Variants in QSOX1 observed in about 807,000 individuals in gnomAD.
QSOX1 encodes the protein sulfhydryl oxidase 1.
A neutral mutation model predicts 76.1 loss-of-function variants in QSOX1; 40 were observed. That is an observed-to-expected ratio of 0.53 (90% CI 0.41 to 0.68). The LOEUF is 0.68. Among genes scored for constraint, QSOX1 ranks in the 30% least tolerant of loss-of-function variants. The pLI, the probability that QSOX1 is intolerant of heterozygous loss-of-function variation, is 0.00. For missense variants in QSOX1, 931 were observed against 974.3 expected, an observed-to-expected ratio of 0.96 and a Z score of 0.59; for synonymous variants, 392 against 413.1, an observed-to-expected ratio of 0.95 and a Z score of 0.62.
rs767795642 is a variant in QSOX1, at chr1:180,176,012, G to T, written c.494G>T (p.Cys165Phe). The T allele has an allele frequency of 1.8e-5, 28 of 1,598,020 alleles. No homozygotes were observed. Among genetic ancestry groups the T allele is most frequent in the Non-Finnish European group, 2.4e-5 (28 of 1,172,854 alleles). ...CATCATGACACGTGGCCCCCAGCCT[G>T]TCCCCCACTGGAGCCTGCCAAGTAC... is the stretch of plus-strand genomic sequence containing the variant. Reference protein sequence around the residue: ...ESHHDTWPPACPPLEPAKLEE... With the variant: ...ESHHDTWPPAFPPLEPAKLEE... Residue 165 changes from cysteine (C) to phenylalanine (F), a missense_variant, in exon 4 of 12, where the codon TGT (cysteine) becomes TTT (phenylalanine). Transcript: ENST00000367602.
At chr1:180,158,113 T>A (rs1419135894) in intron 1 of QSOX1, among the ~76,000 whole-genome samples, 2 of 152,226 alleles carry the variant, frequency 1.3e-5, no homozygotes, top group African/African-American at 2.4e-5. Context: ...CCTCTTTTTT[T>A]AAAACAGGTA....
intron 1 of QSOX1, among the ~76,000 whole-genome samples, chr1:180,163,672 T>C (rs1399550345): frequency 6.6e-6 from 1 of 152,234 alleles, no homozygotes; most frequent in Non-Finnish European, 1.5e-5. Flanking sequence ...TATCTATGAC[T>C]TAATTTAACG....
chr1:180,166,654 G>C (rs1019369138), intron 2 of QSOX1, 63 bp downstream of exon 2: 6 of 1,454,600 alleles, frequency 4.1e-6, no homozygotes, highest in Admixed American at 1.7e-5. Context: ...ATAAGGGAAA[G>C]GGACCATGTG....
intron 10 of QSOX1, among the ~76,000 whole-genome samples, chr1:180,191,430 G>T (rs1313460518): frequency 6.6e-6 from 1 of 152,236 alleles, no homozygotes; most frequent in African/African-American, 2.4e-5. Context: ...CAGGAGAGGA[G>T]CATCCCAGCA....
At chr1:180,175,112 G>A (rs532021629) in intron 2 of QSOX1, among the ~76,000 whole-genome samples, 10 of 150,456 alleles carry the variant, frequency 6.6e-5, no homozygotes, top group South Asian at 2.1e-4. Flanking sequence ...AGCCGAGATC[G>A]CGCCACTGCA....
chr1:180,159,077 C>A (rs1038410441), intron 1 of QSOX1, among the ~76,000 whole-genome samples: 5 of 152,214 alleles, frequency 3.3e-5, no homozygotes, highest in Non-Finnish European at 7.3e-5. Flanking sequence ...GGGGGCTCAG[C>A]AGAATCCCCA....
At position 180,201,937 on chromosome 1, in the gene QSOX1, A is replaced by G. The variant is rs10798741; in HGVS notation, c.*4900A>G. The G allele has an allele frequency of 0.64, 98,091 of 152,100 alleles. 32,920 individuals carry two copies. The highest frequency in any genetic ancestry group is 0.74 in the Admixed American group (11,364 of 15,288). The allele number at this position is 152,100 out of a possible 1,614,324, so 9.4% of individuals were successfully genotyped here. ...AGAATTCCCTGTAACTCACTCACCA[A>G]TGGCCGTGGGAGCCAGTGGCCTCGG... On this transcript the variant is annotated 3_prime_UTR_variant, in exon 12 of 12. Coordinates refer to ENST00000367602, the MANE Select transcript of QSOX1 (RefSeq NM_002826.5).
chr1:180,173,006 T>G (rs1662798035), intron 2 of QSOX1, among the ~76,000 whole-genome samples: 1 of 152,250 alleles, frequency 6.6e-6, no homozygotes, highest in Non-Finnish European at 1.5e-5. Flanking sequence ...TGTTCTCATA[T>G]ATGTAGAAAC....
In QSOX1 at chr1:180,166,713, G is replaced by A. The variant is rs1254890684; in HGVS notation, c.366+122G>A. ...TCAGCTGCTCTGATTTGAGCTGGGA[G>A]GTGATCATCACTTGGGCTGGTGAGA... On this transcript the variant is annotated intron_variant, in intron 2 of 11. Transcript: ENST00000367602. 8.2e-6 allele frequency: 8 copies of A among 974,140 alleles called. No individual in the cohort carries two copies. The East Asian group carries it at 1.8e-4, about 22-fold the overall frequency. 60.3% of individuals were successfully genotyped at this position (974,140 alleles called of 1,614,324 possible).
rs201329109 is a variant in QSOX1 at position 180,186,037 on chromosome 1, C to T, written c.888-16C>T. ...TTAATACTTCTTTCTCTCTCTATCT[C>T]CCTCTGGGTCCTCAGCTCCAAGATC... On this transcript the variant is annotated splice_polypyrimidine_tract_variant and intron_variant, in intron 7 of 11. Coordinates refer to ENST00000367602, the MANE Select transcript of QSOX1 (RefSeq NM_002826.5). 7,334 of 1,612,964 alleles carry T rather than the reference C, an allele frequency of 4.5e-3. 16 individuals are homozygous for T. Among genetic ancestry groups the T allele is most frequent in the Non-Finnish European group, 5.7e-3 (6,688 of 1,179,054 alleles).
chr1:180,156,436 A>G (rs938262279), intron 1 of QSOX1, among the ~76,000 whole-genome samples: 1 of 152,186 alleles, frequency 6.6e-6, no homozygotes, highest in Non-Finnish European at 1.5e-5. Context: ...AACTGGAACC[A>G]TTGTTCCACT....
intron 1 of QSOX1, among the ~76,000 whole-genome samples, chr1:180,160,016 A>G (rs1290578090): frequency 1.3e-5 from 2 of 152,142 alleles, no homozygotes; most frequent in African/African-American, 4.8e-5. Flanking sequence ...TTGGAGTTTT[A>G]TCATTCCAGC....
Position 180,159,046 on chromosome 1 carries a change from A to G in QSOX1, c.265+3874A>G, listed in dbSNP as rs117886031. Among the ~76,000 whole-genome samples, 4 of 152,052 alleles carry G rather than the reference A, an allele frequency of 2.6e-5. No homozygotes were observed. In the East Asian group the frequency reaches 7.8e-4, roughly 30 times the overall value. On this transcript the variant is annotated intron_variant, in intron 1 of 11. Transcript: ENST00000367602. ...AGTGGGGCAGGGGACGCTGCCCTTGACTCCAGACCAAGCCCCCAGTGGGGG... is the reference window on the plus strand; with the variant it reads ...AGTGGGGCAGGGGACGCTGCCCTTGGCTCCAGACCAAGCCCCCAGTGGGGG...
Position 180,197,046 on chromosome 1 carries a change from G to A in QSOX1, c.*9G>A. ...GCCACCCTGCAGCCTGAACCACCTG[G>A]GGAGGAGGCGGGAGAGGGAGCTGCC... On this transcript the variant is annotated 3_prime_UTR_variant, in exon 12 of 12. Transcript: ENST00000367602. 6.3e-7 allele frequency: 1 copy of A among 1,594,280 alleles called. No individual in the cohort carries two copies. The highest frequency in any genetic ancestry group is 8.5e-7 in the Non-Finnish European group (1 of 1,170,790).
rs1376434744 is a variant in QSOX1, at chr1:180,186,168, G to T, written c.1003G>T (p.Ala335Ser). 14 of 1,613,506 alleles carry T rather than the reference G, an allele frequency of 8.7e-6. No individual in the cohort carries two copies. The highest frequency in any genetic ancestry group is 2.2e-5 in the East Asian group (1 of 44,886). ...QRLVALKKFV[A>S]VLAKYFPGRP... ...CCTGGTGGCCCTGAAAAAGTTTGTGGCAGTGCTGGCCAAGGTGAGCAGGGC... is the reference window on the plus strand; with the variant it reads ...CCTGGTGGCCCTGAAAAAGTTTGTGTCAGTGCTGGCCAAGGTGAGCAGGGC... Residue 335 changes from alanine to serine, a missense_variant, in exon 8 of 12, where the codon GCA becomes TCA. Ala to Ser is a moderately conservative substitution (Grantham distance 99). Transcript: ENST00000367602.
In QSOX1 at chr1:180,198,399, G is replaced by T. The variant is rs2149244784; in HGVS notation, c.*1362G>T. 2.2e-6 allele frequency: 1 copy of T among 456,746 alleles called. No homozygotes were observed. Among genetic ancestry groups the T allele is most frequent in the South Asian group, 1.5e-5 (1 of 64,572 alleles). The allele number at this position is 456,746 out of a possible 1,614,324, so 28.3% of individuals were successfully genotyped here. On this transcript the variant is annotated 3_prime_UTR_variant, in exon 12 of 12. Transcript: ENST00000367602. ...TTGGCCACTCGGTGGGGAGGAGTCA[G>T]CCAGGATTAGAGAGCCTGCCCCTAA... is the stretch of plus-strand genomic sequence containing the variant.
intron 2 of QSOX1, among the ~76,000 whole-genome samples, chr1:180,167,609 A>C (rs534662608): frequency 6.6e-6 from 1 of 152,196 alleles, no homozygotes; most frequent in Non-Finnish European, 1.5e-5. Context: ...CCTCGAGCCC[A>C]GTGCAACCCC....
intron 1 of QSOX1, among the ~76,000 whole-genome samples, chr1:180,165,296 G>GC (rs1662588065): frequency 6.6e-6 from 1 of 152,204 alleles, no homozygotes; most frequent in South Asian, 2.1e-4. Flanking sequence ...AATTGTGCCT[G>GC]CCACCAGGCA....
intron 1 of QSOX1, among the ~76,000 whole-genome samples, chr1:180,158,216 G>A (rs11801243): frequency 0.048 from 7,268 of 152,296 alleles, 248 homozygotes; most frequent in Non-Finnish European, 0.068. Context: ...AGAGGTGGGT[G>A]GAGGAGGAAG....
Sources: allele counts gnomAD v4.1 joint callset (sites outside exome capture counted in the v4.1 genomes callset), GRCh38; gene constraint gnomAD v4.1.1; transcripts MANE v1.5; gene names NCBI Gene and HGNC (gene_info 2026-07-23, HGNC 2026-07-21).